ALG5: variants seen among roughly 807,000 people sequenced by gnomAD.
ALG5 encodes the protein dolichyl-phosphate beta-glucosyltransferase.
ALG5 carries 26 observed loss-of-function variants against 51.8 expected under a neutral mutation model. The observed-to-expected ratio is 0.50, with a 90% CI of 0.37 to 0.70. ALG5 has a LOEUF of 0.70. Among genes scored for constraint, ALG5 ranks in the 30% least tolerant of loss-of-function variants. The pLI, the probability that ALG5 is intolerant of heterozygous loss-of-function variation, is 0.00. For missense variants in ALG5, 311 were observed against 399.3 expected, an observed-to-expected ratio of 0.78 and a Z score of 1.88; for synonymous variants, 141 against 136.1, an observed-to-expected ratio of 1.04 and a Z score of -0.25.
chr13:36,972,153 A>T, intron 6 of ALG5, 117 bp from the exon 7 acceptor site: 1 of 844,058 alleles, frequency 1.2e-6, no homozygotes, highest in Admixed American at 2.8e-5. Context: ...GACATTAAAA[A>T]TCTTTTAAAG....
At chr13:36,981,913 C>G (rs1174941696) in intron 6 of ALG5, among the ~76,000 whole-genome samples, 1 of 152,094 alleles carries the variant, frequency 6.6e-6, no homozygotes. Flanking sequence ...ACGGTGAAAC[C>G]CTGTCTCTAC....
chr13:36,974,092 G>A lies in ALG5; in HGVS notation c.562-2056C>T, dbSNP rs530929953. On this transcript the variant is annotated intron_variant, in intron 6 of 9. Transcript: ENST00000239891. ...ATCCGAAGGGACTGGCTATGAAGAT[G>A]TGAAAGAATGAGGAAGGTCTTTATG... 3.3e-5 allele frequency among the ~76,000 whole-genome samples: 5 copies of A among 152,342 alleles called. No homozygotes were observed. In the South Asian group the frequency reaches 1.0e-3, roughly 32 times the overall value.
intron 8 of ALG5, among the ~76,000 whole-genome samples, chr13:36,956,801 G>A (rs1267848910): frequency 2.0e-5 from 3 of 151,878 alleles, no homozygotes; most frequent in Non-Finnish European, 2.9e-5. Context: ...TCATCAGAAA[G>A]GAAAGAAAAG....
At chr13:36,998,194 C>A (rs928275966) in intron 1 of ALG5, among the ~76,000 whole-genome samples, 17 of 152,210 alleles carry the variant, frequency 1.1e-4, no homozygotes, top group African/African-American at 3.6e-4. Context: ...CCCGCCCGCA[C>A]CCCGCCAAAA....
intron 2 of ALG5, 117 bp downstream of exon 2, chr13:36,995,308 G>T: frequency 9.2e-7 from 1 of 1,092,612 alleles, no homozygotes; most frequent in Non-Finnish European, 1.3e-6. Flanking sequence ...TATCAACTGT[G>T]TGCTCAACAC....
chr13:36,954,897 A>C (rs1234441418), intron 8 of ALG5, among the ~76,000 whole-genome samples: 1 of 152,222 alleles, frequency 6.6e-6, no homozygotes, highest in African/African-American at 2.4e-5. Context: ...ATATGGAATA[A>C]ACATATAAGA....
At chr13:36,996,873 G>C (rs1320350566) in intron 1 of ALG5, among the ~76,000 whole-genome samples, 1 of 152,090 alleles carries the variant, frequency 6.6e-6, no homozygotes, top group Non-Finnish European at 1.5e-5. Context: ...AAAACCATTA[G>C]GCTGATGACA....
chr13:36,978,919 T>TAA lies in ALG5; in HGVS notation c.561+6706_561+6707dup, dbSNP rs371750658. Among the ~76,000 whole-genome samples the TAA allele has an allele frequency of 3.9e-3, 526 of 135,288 alleles. 4 individuals carry two copies. Among genetic ancestry groups the TAA allele is most frequent in the African/African-American group, 0.013 (456 of 35,674 alleles). The allele number at this position is 135,288 out of a possible 152,430, so 88.8% of individuals were successfully genotyped here. ...TGACAGAGTGAGATTTGGTCTCAAT[T>TAA]AAAAAAAAAAAAAGGAAAAAAAAAG... On this transcript the variant is annotated intron_variant, in intron 6 of 9. Coordinates refer to ENST00000239891, the MANE Select transcript of ALG5 (RefSeq NM_013338.5).
chr13:36,966,063 G>C (rs1212900351), intron 7 of ALG5, among the ~76,000 whole-genome samples: 2 of 152,140 alleles, frequency 1.3e-5, no homozygotes, highest in African/African-American at 4.8e-5. Flanking sequence ...ATTTTATGCT[G>C]CTTTGCCCCA....
At chr13:36,962,678 G>C (rs1486963982) in intron 8 of ALG5, among the ~76,000 whole-genome samples, 1 of 151,748 alleles carries the variant, frequency 6.6e-6, no homozygotes, top group African/African-American at 2.4e-5. Flanking sequence ...TAAATAAAAG[G>C]CTTGCATGTA....
intron 3 of ALG5, 48 bp downstream of exon 3, chr13:36,994,941 G>C: frequency 1.3e-6 from 2 of 1,538,046 alleles, no homozygotes; most frequent in Non-Finnish European, 1.8e-6. Flanking sequence ...TTGGTGACCT[G>C]GTCTAGTTTT....
chr13:36,958,647 G>A (rs1304716020), intron 8 of ALG5, among the ~76,000 whole-genome samples: 1 of 152,096 alleles, frequency 6.6e-6, no homozygotes, highest in Non-Finnish European at 1.5e-5. Context: ...TGTTGAGAGT[G>A]GGAACTGAGA....
intron 7 of ALG5, among the ~76,000 whole-genome samples, chr13:36,966,487 A>G (rs1361869573): frequency 6.6e-6 from 1 of 152,218 alleles, no homozygotes; most frequent in Non-Finnish European, 1.5e-5. Flanking sequence ...TTAGTAAAAG[A>G]TAGGATCTTT....
intron 9 of ALG5, among the ~76,000 whole-genome samples, chr13:36,950,720 G>C (rs1190411458): frequency 6.6e-6 from 1 of 152,014 alleles, no homozygotes; most frequent in Admixed American, 6.6e-5. Context: ...CAGTAGCTGG[G>C]AGTACAGGAG....
intron 6 of ALG5, among the ~76,000 whole-genome samples, chr13:36,980,739 G>A (rs149928096): frequency 0.019 from 2,923 of 152,068 alleles, 92 homozygotes; most frequent in African/African-American, 0.066. Context: ...TTGGGAGGCC[G>A]AGGCAGGCAG....
chr13:36,985,950 T>C (rs1397584609), intron 5 of ALG5, among the ~76,000 whole-genome samples: 1 of 152,216 alleles, frequency 6.6e-6, no homozygotes, highest in Non-Finnish European at 1.5e-5. Flanking sequence ...TTAAAAACTT[T>C]GTGAAGTCAT....
intron 6 of ALG5, among the ~76,000 whole-genome samples, chr13:36,983,990 A>G (rs2058991031): frequency 6.6e-6 from 1 of 151,890 alleles, no homozygotes; most frequent in African/African-American, 2.4e-5. Flanking sequence ...CTATAACAGG[A>G]TCTTAATAAA....
chr13:36,991,535 T>C (rs1397655455), intron 4 of ALG5, among the ~76,000 whole-genome samples: 1 of 152,202 alleles, frequency 6.6e-6, no homozygotes, highest in African/African-American at 2.4e-5. Context: ...CCTTCTTTGC[T>C]GTTATGGCCC....
chr13:36,976,510 G>A (rs1566063104), intron 6 of ALG5, among the ~76,000 whole-genome samples: 1 of 151,598 alleles, frequency 6.6e-6, no homozygotes. Flanking sequence ...CACTTTGGGA[G>A]GCCAAGGCAG....
Sources: gnomAD v4.1 joint callset for allele counts (sites outside exome capture counted in the v4.1 genomes callset) on GRCh38, gnomAD v4.1.1 for gene constraint, MANE v1.5 for transcripts, NCBI Gene and HGNC (gene_info 2026-07-23, HGNC 2026-07-21) for gene names.